Variants in GLT1D1 observed in about 807,000 individuals in gnomAD.
GLT1D1 encodes the protein glycosyltransferase 1 domain-containing protein 1.
A neutral mutation model predicts 28.7 loss-of-function variants in GLT1D1; 21 were observed. That is an observed-to-expected ratio of 0.73 (90% CI 0.52 to 1.05). GLT1D1 has a LOEUF of 1.05. Ranked by LOEUF, GLT1D1 falls within the 50% of genes least tolerant of loss-of-function variation. The probability of loss-of-function intolerance (pLI) is 0.00; values close to 1 mark genes in which losing one functional copy is unlikely to be tolerated. For synonymous variants in GLT1D1, 147 were observed against 124.8 expected (o/e 1.18, Z -1.19); for missense variants, 343 against 330.6 (o/e 1.04, Z -0.29).
chr12:128,883,589 C>CAA (rs202021879), intron 2 of GLT1D1, among the ~76,000 whole-genome samples: 3,109 of 77,814 alleles, frequency 0.04, 143 homozygotes, highest in African/African-American at 0.13. Flanking sequence ...GACTCCATCT[C>CAA]AAAAAAAAAA....
intron 4 of GLT1D1, among the ~76,000 whole-genome samples, chr12:128,902,629 C>T (rs1201182151): frequency 6.6e-6 from 1 of 151,658 alleles, no homozygotes; most frequent in African/African-American, 2.4e-5. Flanking sequence ...TCTTTCTTTT[C>T]CTACTACCTG....
chr12:128,855,637 G>C (rs1363327170), intron 1 of GLT1D1, among the ~76,000 whole-genome samples: 1 of 151,036 alleles, frequency 6.6e-6, no homozygotes, highest in Admixed American at 6.6e-5. Context: ...TCTTGCACAA[G>C]CAAGAATTCA....
At chr12:128,893,426 G>A (rs1869288999) in intron 3 of GLT1D1, among the ~76,000 whole-genome samples, 1 of 151,958 alleles carries the variant, frequency 6.6e-6, no homozygotes, top group African/African-American at 2.4e-5. Context: ...AGTTTCATAA[G>A]TTTTAAGCTA....
chr12:128,926,439 G>T, intron 4 of GLT1D1: 3 of 1,521,794 alleles, frequency 2.0e-6, no homozygotes, highest in Non-Finnish European at 2.6e-6. Flanking sequence ...TCTCTATCTG[G>T]TGGACGCATT....
intron 6 of GLT1D1, among the ~76,000 whole-genome samples, chr12:128,953,741 A>G (rs950180748): frequency 1.3e-4 from 8 of 62,720 alleles, no homozygotes; most frequent in African/African-American, 5.4e-4. Flanking sequence ...TGACTAAAAT[A>G]GCTTTTTTTT....
intron 5 of GLT1D1, among the ~76,000 whole-genome samples, chr12:128,946,622 T>G (rs1876118144): frequency 7.0e-6 from 1 of 143,394 alleles, no homozygotes; most frequent in Non-Finnish European, 1.5e-5. Context: ...CGTGAGCCAC[T>G]GCGCCCGGCC....
chr12:128,895,293 A>T (rs1869496871), intron 3 of GLT1D1, among the ~76,000 whole-genome samples: 1 of 152,028 alleles, frequency 6.6e-6, no homozygotes, highest in Non-Finnish European at 1.5e-5. Flanking sequence ...CACATATACA[A>T]CTATATGTAT....
Position 128,957,609 on chromosome 12 carries a change from A to AT in GLT1D1, c.606dup (p.Glu203Ter). On this transcript the variant is annotated frameshift_variant, in exon 7 of 8. Transcript: ENST00000281703. LOFTEE classifies it low-confidence loss of function (END_TRUNC). ...CCCGGGAATGCTGCCGTGGTGAAGC[A>AT]TGAAGTCACAGGGCTACTGTTTTCC... The AT allele has an allele frequency of 6.2e-7, 1 of 1,613,768 alleles. No homozygotes were observed. Among genetic ancestry groups the AT allele is most frequent in the Non-Finnish European group, 8.5e-7 (1 of 1,179,672 alleles).
intron 7 of GLT1D1, among the ~76,000 whole-genome samples, chr12:128,959,414 G>GCGGGGGT (rs63511862): frequency 8.2e-5 from 3 of 36,510 alleles, no homozygotes; most frequent in Non-Finnish European, 1.5e-4. Context: ...GAGGCAGTGG[G>GCGGGGGT]GGGGGACGGG....
chr12:128,949,835 C>T (rs992128978), intron 6 of GLT1D1, among the ~76,000 whole-genome samples: 4 of 151,714 alleles, frequency 2.6e-5, no homozygotes, highest in African/African-American at 7.3e-5. Flanking sequence ...TACACACGCA[C>T]ATGCACACGC....
intron 4 of GLT1D1, among the ~76,000 whole-genome samples, chr12:128,911,114 G>T (rs1871479225): frequency 6.6e-6 from 1 of 152,184 alleles, no homozygotes; most frequent in Admixed American, 6.5e-5. Context: ...ATTTTTAGTA[G>T]AGACAGGGTT....
chr12:128,953,728 C>G (rs189906070), intron 6 of GLT1D1, among the ~76,000 whole-genome samples: 458 of 145,074 alleles, frequency 3.2e-3, no homozygotes, highest in Middle Eastern at 0.018. Flanking sequence ...TGCGCACTAA[C>G]AATGACTAAA....
At chr12:128,941,905 CTT>C (rs60663875) in intron 4 of GLT1D1, among the ~76,000 whole-genome samples, 1,920 of 75,322 alleles carry the variant, frequency 0.025, 28 homozygotes, top group African/African-American at 0.06. Flanking sequence ...CTCTCTCTCT[CTT>C]TTTTTTTTTT....
chr12:128,973,921 T>G (rs1282805918), intron 7 of GLT1D1, among the ~76,000 whole-genome samples: 8 of 87,880 alleles, frequency 9.1e-5, no homozygotes, highest in African/African-American at 3.1e-4. Context: ...GTGTAGGGGG[T>G]GTGTGTGTGT....
At position 128,983,352 on chromosome 12, in the gene GLT1D1, G is replaced by T. The variant is rs1880518991; in HGVS notation, c.*262G>T. On this transcript the variant is annotated 3_prime_UTR_variant, in exon 8 of 8. Transcript: ENST00000281703. This position sits in a 1 kb window ranked among gnomAD's most constrained non-coding sequence, Gnocchi z 4.7. The stretch of plus-strand genomic sequence containing the variant: ...ACTGGGTTGACTGGGACAGGGAAAG[G>T]GGAACTGGTTTTCAGGGAATTTGGG... The T allele has an allele frequency of 7.2e-6, 3 of 418,504 alleles. No homozygotes were observed. The East Asian group carries it at 1.1e-4, about 16-fold the overall frequency. The allele number at this position is 418,504 out of a possible 1,614,324, so 25.9% of individuals were successfully genotyped here. A position where few individuals can be genotyped will look rare whatever the true frequency, so the allele number is the denominator to read the frequency against.
At chr12:128,960,109 C>A (rs1431080035) in intron 7 of GLT1D1, among the ~76,000 whole-genome samples, 1 of 152,148 alleles carries the variant, frequency 6.6e-6, no homozygotes, top group Admixed American at 6.5e-5. Context: ...CCATCAGACA[C>A]GACTCTGCGG....
At chr12:128,923,982 C>T (rs2135911058) in intron 4 of GLT1D1, among the ~76,000 whole-genome samples, 1 of 152,164 alleles carries the variant, frequency 6.6e-6, no homozygotes. Context: ...CCCTGCATTT[C>T]TCCTGATGCT....
At chr12:128,861,345 T>C (rs554592680) in intron 1 of GLT1D1, among the ~76,000 whole-genome samples, 1 of 152,266 alleles carries the variant, frequency 6.6e-6, no homozygotes, top group South Asian at 2.1e-4. Context: ...TCTGTCTGCT[T>C]CCAGGAAAGG....
intron 3 of GLT1D1, among the ~76,000 whole-genome samples, chr12:128,891,160 T>A (rs1157935977): frequency 1.3e-5 from 2 of 150,306 alleles, no homozygotes; most frequent in Admixed American, 6.6e-5. Flanking sequence ...AAAATAATGA[T>A]AAAAGCAATA....
Sources: gnomAD v4.1 joint callset for allele counts (sites outside exome capture counted in the v4.1 genomes callset) on GRCh38, gnomAD v4.1.1 for gene constraint, Gnocchi (gnomAD v3.1) non-coding constraint, MANE v1.5 for transcripts, NCBI Gene and HGNC (gene_info 2026-07-23, HGNC 2026-07-21) for gene names.